Variants in CNTNAP2 observed in about 807,000 individuals in gnomAD.
CNTNAP2 encodes the protein contactin associated protein 2, also known as contactin-associated protein-like 2.
Under a neutral mutation model 155.2 loss-of-function variants are expected in CNTNAP2, and 98 were observed. The observed-to-expected ratio is 0.63, with a 90% CI of 0.54 to 0.75. The LOEUF is 0.75. Ranked by LOEUF, CNTNAP2 falls within the 30% of genes least tolerant of loss-of-function variation. The probability of loss-of-function intolerance (pLI) is 0.00; values close to 1 mark genes in which losing one functional copy is unlikely to be tolerated. For synonymous variants in CNTNAP2, 651 were observed against 631.2 expected (o/e 1.03, Z -0.47); for missense variants, 1,727 against 1,688.1 (o/e 1.02, Z -0.40).
At chr7:148,055,219 C>A (rs1203207245) in intron 15 of CNTNAP2, among the ~76,000 whole-genome samples, 2 of 152,070 alleles carry the variant, frequency 1.3e-5, no homozygotes, top group Admixed American at 1.3e-4. Context: ...TTTAAAACAA[C>A]CAGACTTTGT....
intron 3 of CNTNAP2, among the ~76,000 whole-genome samples, chr7:146,966,545 A>G (rs781448383): frequency 6.6e-6 from 1 of 152,164 alleles, no homozygotes; most frequent in Non-Finnish European, 1.5e-5. Context: ...AATCCACCAG[A>G]TGAATATTTA....
intron 21 of CNTNAP2, among the ~76,000 whole-genome samples, chr7:148,364,914 A>G (rs1212431486): frequency 2.0e-5 from 3 of 151,944 alleles, no homozygotes; most frequent in African/African-American, 4.8e-5. Context: ...GAGCTGTAAC[A>G]CTCACCGCGA....
chr7:148,316,156 A>T lies in CNTNAP2; in HGVS notation c.3475+49030A>T, dbSNP rs148499655. On this transcript the variant is annotated intron_variant, in intron 21 of 23. Coordinates refer to ENST00000361727, the MANE Select transcript of CNTNAP2 (RefSeq NM_014141.6). Reference sequence around the variant, plus strand: ...TTTTCAGAATAAGGGAGAGGTTAACAATCTACATAGAGCAACTGGGATTAA... The same window carrying T: ...TTTTCAGAATAAGGGAGAGGTTAACTATCTACATAGAGCAACTGGGATTAA... Among the ~76,000 whole-genome samples the T allele has an allele frequency of 6.2e-4, 94 of 152,246 alleles. 1 individual carries two copies. Among genetic ancestry groups the T allele is most frequent in the Middle Eastern group, 3.4e-3 (1 of 294 alleles).
At chr7:147,862,187 C>T (rs940303735) in intron 13 of CNTNAP2, among the ~76,000 whole-genome samples, 1 of 151,996 alleles carries the variant, frequency 6.6e-6, no homozygotes, top group East Asian at 1.9e-4. Flanking sequence ...AGATAATAGC[C>T]CGACAAACCA....
chr7:148,403,740 T>C (rs1260951138), intron 22 of CNTNAP2, among the ~76,000 whole-genome samples: 1 of 152,214 alleles, frequency 6.6e-6, no homozygotes, highest in African/African-American at 2.4e-5. Flanking sequence ...GGCAATAAAA[T>C]GTATCTATCA....
intron 3 of CNTNAP2, among the ~76,000 whole-genome samples, chr7:146,929,580 C>G (rs867129887): frequency 6.6e-6 from 1 of 152,172 alleles, no homozygotes; most frequent in Non-Finnish European, 1.5e-5. Context: ...CGGAACAAAG[C>G]TGGACGGAGA....
At chr7:148,385,676 G>A (rs1288981952) in intron 22 of CNTNAP2, among the ~76,000 whole-genome samples, 1 of 150,748 alleles carries the variant, frequency 6.6e-6, no homozygotes, top group Non-Finnish European at 1.5e-5. Flanking sequence ...AGATATGACT[G>A]TAGGGACCAA....
At chr7:147,551,049 T>C (rs763312717) in intron 11 of CNTNAP2, among the ~76,000 whole-genome samples, 1 of 152,178 alleles carries the variant, frequency 6.6e-6, no homozygotes, top group African/African-American at 2.4e-5. Flanking sequence ...GGTATGGATG[T>C]AGCAAAAATT....
At chr7:147,275,272 T>C (rs1804870003) in intron 8 of CNTNAP2, among the ~76,000 whole-genome samples, 1 of 152,158 alleles carries the variant, frequency 6.6e-6, no homozygotes, top group Non-Finnish European at 1.5e-5. Flanking sequence ...TTTAACAATA[T>C]TGATTCTTCC....
At chr7:147,839,829 G>A (rs1563107027) in intron 13 of CNTNAP2, among the ~76,000 whole-genome samples, 1 of 152,016 alleles carries the variant, frequency 6.6e-6, no homozygotes, top group Non-Finnish European at 1.5e-5. Flanking sequence ...GCAAAGATAT[G>A]GAATCACCGT....
intron 1 of CNTNAP2, among the ~76,000 whole-genome samples, chr7:146,422,359 G>GTATATATATA (rs971506491): frequency 3.4e-5 from 5 of 148,118 alleles, no homozygotes; most frequent in African/African-American, 1.2e-4. Context: ...GTATATATAT[G>GTATATATATA]TATATATATA....
intron 5 of CNTNAP2, among the ~76,000 whole-genome samples, chr7:147,115,548 C>T (rs1388123438): frequency 3.3e-5 from 5 of 152,002 alleles, no homozygotes; most frequent in Non-Finnish European, 7.4e-5. Flanking sequence ...TCTTGTCTGC[C>T]TGTCTTATTT....
At chr7:148,093,397 T>C (rs1318413385) in intron 15 of CNTNAP2, among the ~76,000 whole-genome samples, 1 of 152,228 alleles carries the variant, frequency 6.6e-6, no homozygotes, top group Admixed American at 6.5e-5. Context: ...GTAGAAACCT[T>C]CTCTGATATG....
chr7:148,307,837 G>A lies in CNTNAP2; in HGVS notation c.3475+40711G>A, dbSNP rs564922794. On this transcript the variant is annotated intron_variant, in intron 21 of 23. Transcript: ENST00000361727. ...AAAACACAAAAATTGCCCAGGCATC[G>A]TGGCACACACCTGTAGTCCCAGCTA... 5.9e-4 allele frequency among the ~76,000 whole-genome samples: 90 copies of A among 152,244 alleles called. 1 individual carries two copies. The highest frequency in any genetic ancestry group is 4.1e-4 in the African/African-American group (17 of 41,554).
At chr7:146,308,666 A>C (rs150073349) in intron 1 of CNTNAP2, among the ~76,000 whole-genome samples, 2,055 of 152,300 alleles carry the variant, frequency 0.013, 13 homozygotes, top group Non-Finnish European at 0.02. Context: ...TGATGAGTTC[A>C]TGTCCTCTTA....
intron 12 of CNTNAP2, among the ~76,000 whole-genome samples, chr7:147,633,385 T>C (rs1795122432): frequency 6.6e-6 from 1 of 152,212 alleles, no homozygotes; most frequent in Non-Finnish European, 1.5e-5. Flanking sequence ...AGAGATCCTC[T>C]GCTAGGGCAG....
At chr7:148,322,777 T>A (rs1473628556) in intron 21 of CNTNAP2, among the ~76,000 whole-genome samples, 1 of 147,132 alleles carries the variant, frequency 6.8e-6, no homozygotes, top group Non-Finnish European at 1.5e-5. Flanking sequence ...TTGTTTTGTT[T>A]TGTTTTGTTG....
intron 12 of CNTNAP2, among the ~76,000 whole-genome samples, chr7:147,563,684 C>G (rs1387677093): frequency 6.6e-6 from 1 of 151,874 alleles, no homozygotes; most frequent in African/African-American, 2.4e-5. Flanking sequence ...CAGGCAAATT[C>G]AAACTGAATT....
intron 20 of CNTNAP2, among the ~76,000 whole-genome samples, chr7:148,238,284 G>A (rs1314386493): frequency 6.6e-6 from 1 of 152,192 alleles, no homozygotes; most frequent in Non-Finnish European, 1.5e-5. Context: ...GGGAGGCAGA[G>A]GTTGCAGTGA....
Sources: allele counts gnomAD v4.1 joint callset (sites outside exome capture counted in the v4.1 genomes callset), GRCh38; gene constraint gnomAD v4.1.1; transcripts MANE v1.5; gene names NCBI Gene and HGNC (gene_info 2026-07-23, HGNC 2026-07-21).